BRF1: variants seen among roughly 807,000 people sequenced by gnomAD.
BRF1 encodes the protein BRF1 general transcription factor IIIB subunit.
A neutral mutation model predicts 81.7 loss-of-function variants in BRF1; 59 were observed. The ratio of observed to expected loss-of-function variants is 0.72; its 90% confidence interval spans 0.59 to 0.90. BRF1 has a LOEUF of 0.90. Ranked by LOEUF, BRF1 falls within the 40% of genes least tolerant of loss-of-function variation. The pLI is 0.00. For missense variants in BRF1, 1,050 were observed against 936.3 expected (o/e 1.12, Z -1.58); for synonymous variants, 491 against 395.6 (o/e 1.24, Z -2.86).
rs1008948408 is a variant in BRF1 at position 105,309,054 on chromosome 14, T to G, written c.-162+6268A>C. On this transcript the variant is annotated intron_variant, in intron 1 of 17. Transcript: ENST00000327359. The surrounding 1 kb of genome is among the most constrained non-coding windows in gnomAD (Gnocchi z 4.0). ...CCATCCTGCACGAAGAGCACTGAGG[T>G]TGAGTGTTGGTTGACACGTGTTGCG... 6.6e-6 allele frequency among the ~76,000 whole-genome samples: 1 copy of G among 151,960 alleles called. No individual in the cohort carries two copies. The highest frequency in any genetic ancestry group is 6.6e-5 in the Admixed American group (1 of 15,260).
At chr14:105,252,189 G>A (rs2055654344) in intron 5 of BRF1, among the ~76,000 whole-genome samples, 1 of 152,176 alleles carries the variant, frequency 6.6e-6, no homozygotes, top group South Asian at 2.1e-4. Context: ...CAGAAAGCAA[G>A]CCCCAGGCCA....
rs1380831190 is a variant in BRF1, at chr14:105,315,281, T to C, written c.-162+41A>G. On this transcript the variant is annotated intron_variant, in intron 1 of 17. Transcript: ENST00000327359. The surrounding 1 kb of genome is among the most constrained non-coding windows in gnomAD (Gnocchi z 4.4). ...TCAGCTTCCGAGGACCCGGTGCTGC[T>C]CAGACCCGGCGGGACCTTGGGGCTC... is the stretch of plus-strand genomic sequence containing the variant. 6.2e-6 allele frequency: 1 copy of C among 160,488 alleles called. No homozygotes were observed. Among genetic ancestry groups the C allele is most frequent in the Non-Finnish European group, 1.3e-5 (1 of 74,492 alleles). 9.9% of individuals were successfully genotyped at this position (160,488 alleles called of 1,614,324 possible). A position where few individuals can be genotyped will look rare whatever the true frequency, so the allele number is the denominator to read the frequency against.
At chr14:105,280,300 G>C (rs1175630908) in intron 2 of BRF1, among the ~76,000 whole-genome samples, 1 of 152,266 alleles carries the variant, frequency 6.6e-6, no homozygotes, top group East Asian at 1.9e-4. Context: ...AGGATGCACA[G>C]TGTGCAACTC....
chr14:105,242,322 G>A (rs973085728), intron 5 of BRF1: 2 of 152,074 alleles, frequency 1.3e-5, no homozygotes, highest in South Asian at 2.1e-4. Flanking sequence ...GTGGTGATTT[G>A]GCTGCTAAAA....
intron 3 of BRF1, among the ~76,000 whole-genome samples, chr14:105,258,690 T>C (rs2056009224): frequency 6.6e-6 from 1 of 151,788 alleles, no homozygotes; most frequent in Non-Finnish European, 1.5e-5. Flanking sequence ...TCCCAGCTAC[T>C]TGGGAGGCTG....
At chr14:105,299,944 CA>C (rs1282812857) in intron 1 of BRF1, among the ~76,000 whole-genome samples, 1 of 152,240 alleles carries the variant, frequency 6.6e-6, no homozygotes, top group African/African-American at 2.4e-5. Context: ...TGAAACTGGC[CA>C]CAGTCCAGCT....
At chr14:105,216,202 G>C (rs1048820007) in intron 15 of BRF1, among the ~76,000 whole-genome samples, 1 of 152,332 alleles carries the variant, frequency 6.6e-6, no homozygotes, top group Middle Eastern at 3.4e-3. Flanking sequence ...GGCCCTGTCT[G>C]GGCCAGCTGG....
rs2057213032 is a variant in BRF1 at position 105,283,868 on chromosome 14, G to C, written c.265+2428C>G. On this transcript the variant is annotated intron_variant, in intron 2 of 17. Coordinates refer to ENST00000547530, the MANE Select transcript of BRF1 (RefSeq NM_001519.4). ...TAGCCTAGTGGCACCACAAGCAATG[G>C]GCAGAGCTGGGCCCCAACCCAGGCA... Among the ~76,000 whole-genome samples the C allele has an allele frequency of 2.0e-5, 3 of 152,180 alleles. No individual in the cohort carries two copies. In the South Asian group the frequency reaches 6.2e-4, roughly 32 times the overall value.
intron 2 of BRF1, among the ~76,000 whole-genome samples, chr14:105,282,496 G>A (rs373897507): frequency 4.7e-4 from 71 of 152,340 alleles, no homozygotes; most frequent in African/African-American, 1.6e-3. Context: ...AGTGGAGGCC[G>A]TGGGCCAAGC....
At chr14:105,283,177 G>A (rs2057179467) in intron 2 of BRF1, among the ~76,000 whole-genome samples, 1 of 152,172 alleles carries the variant, frequency 6.6e-6, no homozygotes, top group African/African-American at 2.4e-5. Context: ...CACAGCAGGG[G>A]GCCTGACTGG....
At chr14:105,228,999 C>A in intron 6 of BRF1, 86 bp from the exon 7 acceptor site, 2 of 1,236,494 alleles carry the variant, frequency 1.6e-6, no homozygotes, top group Non-Finnish European at 2.4e-6. Context: ...CTGCGGATCC[C>A]GGTCACGGAG....
intron 11 of BRF1, among the ~76,000 whole-genome samples, chr14:105,221,437 C>A (rs1353708304): frequency 6.6e-6 from 1 of 152,188 alleles, no homozygotes; most frequent in South Asian, 2.1e-4. Context: ...TGCATTCTGG[C>A]GTCGGCACAC....
At chr14:105,247,662 G>C in intron 5 of BRF1, 1 of 985,436 alleles carries the variant, frequency 1.0e-6, no homozygotes, top group Non-Finnish European at 1.2e-6. Flanking sequence ...CGAGATGCTG[G>C]CTGCGTCCTG....
intron 12 of BRF1, chr14:105,219,758 G>A (rs1355341001): frequency 2.0e-6 from 1 of 496,998 alleles, no homozygotes; most frequent in East Asian, 3.4e-5. Flanking sequence ...CTTGTGTCTA[G>A]AGACCCCTCG....
intron 1 of BRF1, among the ~76,000 whole-genome samples, chr14:105,298,194 T>A (rs907204148): frequency 6.6e-6 from 1 of 152,200 alleles, no homozygotes; most frequent in African/African-American, 2.4e-5. Context: ...CCCAAGCATT[T>A]CAGGTAAGAA....
intron 16 of BRF1, 116 bp downstream of exon 16, chr14:105,211,997 G>T: frequency 1.4e-6 from 2 of 1,433,578 alleles, no homozygotes; most frequent in Non-Finnish European, 1.9e-6. Flanking sequence ...GGGCAGCAGG[G>T]GCAGGCGCCT....
chr14:105,308,859 A>T (rs2058268034), intron 1 of BRF1, among the ~76,000 whole-genome samples: 1 of 152,066 alleles, frequency 6.6e-6, no homozygotes, highest in African/African-American at 2.4e-5. Context: ...TTGTAATCCC[A>T]GCACTTTGAG....
chr14:105,261,749 G>A (rs2056164383), intron 3 of BRF1, among the ~76,000 whole-genome samples: 1 of 152,268 alleles, frequency 6.6e-6, no homozygotes, highest in South Asian at 2.1e-4. Context: ...CAGCAGTGCA[G>A]GGGCCGGCAG....
At chr14:105,224,374 A>G (rs1892768273) in intron 10 of BRF1, among the ~76,000 whole-genome samples, 1 of 152,236 alleles carries the variant, frequency 6.6e-6, no homozygotes, top group African/African-American at 2.4e-5. Flanking sequence ...CTCCAAAAAA[A>G]GAAAAAGTCC....
Sources: gnomAD v4.1 joint callset for allele counts (sites outside exome capture counted in the v4.1 genomes callset) on GRCh38, gnomAD v4.1.1 for gene constraint, Gnocchi (gnomAD v3.1) non-coding constraint, MANE v1.5 for transcripts, NCBI Gene and HGNC (gene_info 2026-07-23, HGNC 2026-07-21) for gene names.